ABCD3: variants seen among roughly 807,000 people sequenced by gnomAD.
The protein encoded by ABCD3 is ATP-binding cassette sub-family D member 3.
ABCD3 carries 41 observed loss-of-function variants against 105.5 expected under a neutral mutation model. That is an observed-to-expected ratio of 0.39 (90% CI 0.30 to 0.50). The LOEUF is 0.50. Ranked by LOEUF, ABCD3 falls within the 20% of genes least tolerant of loss-of-function variation. The probability of loss-of-function intolerance (pLI) is 0.84; values close to 1 mark genes in which losing one functional copy is unlikely to be tolerated. For missense variants in ABCD3, 622 were observed against 806.3 expected (o/e 0.77, Z 2.77); for synonymous variants, 258 against 269.0 (o/e 0.96, Z 0.40).
At position 94,515,187 on chromosome 1, in the gene ABCD3, T is replaced by C. The variant is rs1393833474; in HGVS notation, c.1887T>C (p.Leu629=). The C allele has an allele frequency of 6.2e-7, 1 of 1,609,598 alleles. No individual in the cohort carries two copies. Among genetic ancestry groups the C allele is most frequent in the African/African-American group, 1.3e-5 (1 of 74,738 alleles). The part of the protein sequence containing the change: ...TLFTVSHRKS[L]WKHHEYYLHM... ...TCACTGTGTCTCATAGGAAATCTCT[T>C]TGGAAACATCATGAGGTTTGTATTT... The change falls in exon 22 of 23, where the codon CTT becomes CTC. Residue 629 remains leucine, a synonymous_variant. Coordinates refer to ENST00000370214, the MANE Select transcript of ABCD3 (RefSeq NM_002858.4).
chr1:94,454,206 T>C (rs1348164198), intron 1 of ABCD3, among the ~76,000 whole-genome samples: 1 of 152,168 alleles, frequency 6.6e-6, no homozygotes, highest in East Asian at 1.9e-4. Context: ...TGAGAAATTT[T>C]GATGGCCTGA....
chr1:94,435,810 G>A (rs184908884), intron 1 of ABCD3, among the ~76,000 whole-genome samples: 1 of 152,306 alleles, frequency 6.6e-6, no homozygotes, highest in East Asian at 1.9e-4. Context: ...TTAATTTCGT[G>A]TTATTACCTA....
intron 3 of ABCD3, among the ~76,000 whole-genome samples, chr1:94,466,467 C>G (rs1648140060): frequency 6.6e-6 from 1 of 152,150 alleles, no homozygotes; most frequent in African/African-American, 2.4e-5. Context: ...TAGGGTAAAT[C>G]ACAACCTGAC....
chr1:94,456,039 T>C (rs961729024), intron 1 of ABCD3, among the ~76,000 whole-genome samples: 6 of 152,092 alleles, frequency 3.9e-5, no homozygotes, highest in Admixed American at 3.3e-4. Context: ...CTTATTCATC[T>C]TGCGTGACTG....
At chr1:94,410,434 G>A in the ABCD3 span, among the ~76,000 whole-genome samples, 7 of 152,136 alleles carry the variant, frequency 4.6e-5, no homozygotes, top group Non-Finnish European at 8.8e-5. Context: ...TATATTTTCT[G>A]TCTAAAATTC....
chr1:94,480,553 G>A lies in ABCD3; in HGVS notation c.774G>A (p.Glu258=), dbSNP rs1648983387. The A allele has an allele frequency of 1.2e-6, 2 of 1,613,758 alleles. No homozygotes were observed. The highest frequency in any genetic ancestry group is 1.7e-6 in the Non-Finnish European group (2 of 1,179,804). The change falls in exon 9 of 23, where the codon GAG becomes GAA. Residue 258 remains glutamate (E), a synonymous_variant. Transcript: ENST00000370214. ...CCATTGGTAAGATGACAATAACTGA[G>A]CAAAAGTATGAAGGAGAATATAGAT... ...RRPIGKMTIT[E]QKYEGEYRYV...
chr1:94,433,108 G>A (rs1238508098), intron 1 of ABCD3, among the ~76,000 whole-genome samples: 5 of 151,650 alleles, frequency 3.3e-5, no homozygotes, highest in East Asian at 3.9e-4. Context: ...CACCCACCTC[G>A]GCCTCCCAAA....
chr1:94,466,170 A>G (rs887323918), intron 3 of ABCD3, among the ~76,000 whole-genome samples: 1 of 152,192 alleles, frequency 6.6e-6, no homozygotes, highest in Non-Finnish European at 1.5e-5. Context: ...GGCACCTATC[A>G]GCCTCTTACT....
chr1:94,456,707 C>T (rs186854128), intron 1 of ABCD3, among the ~76,000 whole-genome samples: 5 of 151,870 alleles, frequency 3.3e-5, no homozygotes, highest in African/African-American at 7.3e-5. Flanking sequence ...CTGCAGGGAA[C>T]GTGAGAGTGC....
chr1:94,422,075 C>CT (rs1204615951), intron 1 of ABCD3, among the ~76,000 whole-genome samples: 2 of 152,180 alleles, frequency 1.3e-5, no homozygotes, highest in Non-Finnish European at 2.9e-5. Context: ...GCTGATACTT[C>CT]TTTTTCTTCA....
intron 3 of ABCD3, among the ~76,000 whole-genome samples, chr1:94,465,265 G>A (rs1437626321): frequency 6.6e-6 from 1 of 152,220 alleles, no homozygotes. Flanking sequence ...ATGAGATTTG[G>A]GTGGAGACAG....
chr1:94,453,788 C>G (rs924875040), intron 1 of ABCD3, among the ~76,000 whole-genome samples: 1 of 146,306 alleles, frequency 6.8e-6, no homozygotes, highest in South Asian at 2.1e-4. Context: ...ATCAGATTGT[C>G]TCGTGATTTA....
chr1:94,420,008 T>G (rs1188936019), intron 1 of ABCD3, among the ~76,000 whole-genome samples: 1 of 152,230 alleles, frequency 6.6e-6, no homozygotes, highest in Non-Finnish European at 1.5e-5. Context: ...TAACTTGAAT[T>G]CTGTTTTTGC....
chr1:94,480,872 A>G (rs557096850), intron 9 of ABCD3, among the ~76,000 whole-genome samples: 1 of 152,332 alleles, frequency 6.6e-6, no homozygotes, highest in South Asian at 2.1e-4. Context: ...CTTCAGACAT[A>G]ATCAGTTTAC....
intron 16 of ABCD3, among the ~76,000 whole-genome samples, chr1:94,495,105 C>G (rs986298792): frequency 1.3e-5 from 2 of 152,034 alleles, no homozygotes; most frequent in Non-Finnish European, 2.9e-5. Context: ...TTGTAAGTTA[C>G]TAAGATTTTT....
At chr1:94,388,594 G>C in the ABCD3 span, among the ~76,000 whole-genome samples, 1 of 152,116 alleles carries the variant, frequency 6.6e-6, no homozygotes, top group Non-Finnish European at 1.5e-5. Context: ...TTCATCCCTT[G>C]ACCAACTTCT....
rs1381596136 is a variant in ABCD3, at chr1:94,498,985, T to C, written c.1571T>C (p.Ile524Thr). Residue 524 changes from isoleucine to threonine, a missense_variant, in exon 19 of 23, where the codon ATA becomes ACA. Around this residue, in one of 4 missense-constraint regions of ABCD3, gnomAD observed 285 missense variants for 352.5 expected, o/e 0.81. Coordinates refer to ENST00000370214, the MANE Select transcript of ABCD3 (RefSeq NM_002858.4). ...MTLGTLRDQV[I>T]YPDGREDQKR... is the part of the protein sequence containing the mutation. ...CTTGGAACACTTCGAGATCAAGTGA[T>C]ATATCCAGATGGACGAGAAGATCAG... 1 of 1,614,068 alleles carries C rather than the reference T, an allele frequency of 6.2e-7. No homozygotes were observed. Among genetic ancestry groups the C allele is most frequent in the East Asian group, 2.2e-5 (1 of 44,848 alleles).
At chr1:94,387,906 A>G in the ABCD3 span, among the ~76,000 whole-genome samples, 3 of 152,118 alleles carry the variant, frequency 2.0e-5, no homozygotes, top group African/African-American at 7.2e-5. Context: ...TCTGCTTGAA[A>G]TACCCAAGGT....
At chr1:94,483,646 G>C (rs1043143186) in intron 10 of ABCD3, among the ~76,000 whole-genome samples, 5 of 151,992 alleles carry the variant, frequency 3.3e-5, no homozygotes, top group Non-Finnish European at 5.9e-5. Context: ...ATTAATTCAA[G>C]ATGGATTAAA....
Sources: allele counts gnomAD v4.1 joint callset (sites outside exome capture counted in the v4.1 genomes callset), GRCh38; gene constraint gnomAD v4.1.1; regional missense constraint gnomAD v4.1.1; transcripts MANE v1.5; gene names NCBI Gene and HGNC (gene_info 2026-07-23, HGNC 2026-07-21).